CNTNAP2: variants seen among roughly 807,000 people sequenced by gnomAD.
The protein encoded by CNTNAP2 is contactin associated protein 2.
Under a neutral mutation model 155.2 loss-of-function variants are expected in CNTNAP2, and 98 were observed. The observed-to-expected ratio is 0.63, with a 90% CI of 0.54 to 0.75. CNTNAP2 has a LOEUF of 0.75. CNTNAP2 is among the 30% of genes least tolerant of loss of function. The pLI, the probability that CNTNAP2 is intolerant of heterozygous loss-of-function variation, is 0.00. For synonymous variants in CNTNAP2, 651 were observed against 631.2 expected (o/e 1.03, Z -0.47); for missense variants, 1,727 against 1,688.1 (o/e 1.02, Z -0.40).
chr7:148,344,053 G>A (rs1798279287), intron 21 of CNTNAP2, among the ~76,000 whole-genome samples: 1 of 152,202 alleles, frequency 6.6e-6, no homozygotes, highest in Non-Finnish European at 1.5e-5. Context: ...TGCCTTGGGT[G>A]AGAGCGTTGT....
At chr7:147,939,436 C>A (rs1044773471) in intron 14 of CNTNAP2, among the ~76,000 whole-genome samples, 16 of 152,070 alleles carry the variant, frequency 1.1e-4, no homozygotes, top group African/African-American at 3.9e-4. Flanking sequence ...TCAAGCGATT[C>A]TTCTGCCTCA....
At chr7:148,354,536 C>T (rs1798479186) in intron 21 of CNTNAP2, among the ~76,000 whole-genome samples, 1 of 152,106 alleles carries the variant, frequency 6.6e-6, no homozygotes, top group African/African-American at 2.4e-5. Context: ...CCACACCCAT[C>T]TCCTGTCTCC....
chr7:146,931,914 A>G (rs1796768104), intron 3 of CNTNAP2, among the ~76,000 whole-genome samples: 1 of 152,178 alleles, frequency 6.6e-6, no homozygotes, highest in Non-Finnish European at 1.5e-5. Flanking sequence ...GAATAGACCA[A>G]TAACAGGCTC....
intron 21 of CNTNAP2, among the ~76,000 whole-genome samples, chr7:148,353,669 G>A (rs73745600): frequency 9.4e-5 from 11 of 116,756 alleles, no homozygotes; most frequent in East Asian, 7.8e-4. Flanking sequence ...ACACACACAC[G>A]CACACACAAG....
intron 1 of CNTNAP2, among the ~76,000 whole-genome samples, chr7:146,304,370 G>A (rs977958001): frequency 1.3e-5 from 2 of 152,052 alleles, no homozygotes; most frequent in East Asian, 1.9e-4. Flanking sequence ...AGCATTGATG[G>A]TCTTTACAAT....
intron 15 of CNTNAP2, among the ~76,000 whole-genome samples, chr7:148,095,904 A>G (rs17170828): frequency 0.14 from 21,787 of 152,228 alleles, 2,156 homozygotes; most frequent in East Asian, 0.47. Context: ...CTCTTTAAGC[A>G]TGTCAACTAG....
At chr7:147,427,259 C>G (rs1797393173) in intron 10 of CNTNAP2, among the ~76,000 whole-genome samples, 1 of 152,124 alleles carries the variant, frequency 6.6e-6, no homozygotes, top group Admixed American at 6.5e-5. Context: ...AGTCACACTT[C>G]TTAATACAGT....
chr7:146,452,603 C>T (rs73462706), intron 1 of CNTNAP2, among the ~76,000 whole-genome samples: 4,479 of 152,272 alleles, frequency 0.029, 160 homozygotes, highest in African/African-American at 0.084. Context: ...GATATTCAAT[C>T]GCCTTTATAC....
chr7:147,835,984 T>C (rs913999577), intron 13 of CNTNAP2, among the ~76,000 whole-genome samples: 3 of 152,180 alleles, frequency 2.0e-5, no homozygotes, highest in African/African-American at 7.2e-5. Flanking sequence ...CATTGTGGAC[T>C]TCTGGCCTCC....
chr7:146,556,080 T>C (rs1160253176), intron 1 of CNTNAP2, among the ~76,000 whole-genome samples: 2 of 152,222 alleles, frequency 1.3e-5, no homozygotes, highest in African/African-American at 4.8e-5. Context: ...TTTATTGGAT[T>C]CCAACAAATA....
At chr7:147,599,284 G>A (rs756197325) in intron 12 of CNTNAP2, among the ~76,000 whole-genome samples, 13 of 151,416 alleles carry the variant, frequency 8.6e-5, no homozygotes, top group South Asian at 8.3e-4. Flanking sequence ...CGTGACCAGC[G>A]TGACCAACAT....
At chr7:147,386,480 C>T (rs1239303929) in intron 9 of CNTNAP2, among the ~76,000 whole-genome samples, 1 of 152,090 alleles carries the variant, frequency 6.6e-6, no homozygotes, top group East Asian at 1.9e-4. Context: ...TGCCAGATAC[C>T]CTAAATCACC....
intron 1 of CNTNAP2, among the ~76,000 whole-genome samples, chr7:146,179,324 T>C (rs1031788984): frequency 3.3e-5 from 5 of 152,036 alleles, no homozygotes; most frequent in Admixed American, 3.3e-4. Flanking sequence ...TAAGGAATAC[T>C]TGGGGAGGGG....
chr7:146,798,145 G>A (rs559351432), intron 2 of CNTNAP2, among the ~76,000 whole-genome samples: 3 of 151,970 alleles, frequency 2.0e-5, no homozygotes, highest in African/African-American at 4.8e-5. Context: ...CCTAGCACAC[G>A]CCTGCGGTCC....
intron 14 of CNTNAP2, among the ~76,000 whole-genome samples, chr7:147,921,820 G>C (rs1231709225): frequency 1.3e-5 from 2 of 152,134 alleles, no homozygotes; most frequent in African/African-American, 4.8e-5. Flanking sequence ...AACTAGACAA[G>C]GAAAGAGGCA....
intron 14 of CNTNAP2, among the ~76,000 whole-genome samples, chr7:147,959,181 T>C (rs1277822673): frequency 2.0e-5 from 3 of 152,196 alleles, no homozygotes; most frequent in African/African-American, 7.2e-5. Flanking sequence ...ACTCTCAGAT[T>C]CTATTCCGTT....
At chr7:147,400,497 T>G (rs1372968432) in intron 10 of CNTNAP2, among the ~76,000 whole-genome samples, 1 of 152,172 alleles carries the variant, frequency 6.6e-6, no homozygotes, top group African/African-American at 2.4e-5. Flanking sequence ...AATTAAGTGG[T>G]GATCATGCTT....
At chr7:147,829,020 CA>C (rs895972590) in intron 13 of CNTNAP2, among the ~76,000 whole-genome samples, 5 of 152,046 alleles carry the variant, frequency 3.3e-5, no homozygotes, top group African/African-American at 4.8e-5. Flanking sequence ...ATTTCACCAC[CA>C]AAAAAACCAG....
At chr7:148,073,472 CCATTTGTCCAG>C (rs1803419318) in intron 15 of CNTNAP2, among the ~76,000 whole-genome samples, 1 of 152,206 alleles carries the variant, frequency 6.6e-6, no homozygotes. Flanking sequence ...CTTGAACCAG[CCATTTGTCCAG>C]CATATCCACG....
Sources: allele counts gnomAD v4.1 joint callset (sites outside exome capture counted in the v4.1 genomes callset), GRCh38; gene constraint gnomAD v4.1.1; transcripts MANE v1.5; gene names NCBI Gene and HGNC (gene_info 2026-07-23, HGNC 2026-07-21).